GIGYF2: variants seen among roughly 807,000 people sequenced by gnomAD.
The protein encoded by GIGYF2 is GRB10-interacting GYF protein 2.
A neutral mutation model predicts 208.1 loss-of-function variants in GIGYF2; 25 were observed. The observed-to-expected ratio is 0.12, with a 90% confidence interval of 0.09 to 0.17. GIGYF2 has a LOEUF of 0.17. Ranked by LOEUF, GIGYF2 falls within the 10% of genes least tolerant of loss-of-function variation. The pLI is 1.00. For synonymous variants in GIGYF2, 534 were observed against 543.8 expected (o/e 0.98, Z 0.25); for missense variants, 1,302 against 1,579.4 (o/e 0.82, Z 2.98).
chr2:232,756,575 G>A (rs1262148220), intron 6 of GIGYF2, among the ~76,000 whole-genome samples: 1 of 152,168 alleles, frequency 6.6e-6, no homozygotes, highest in African/African-American at 2.4e-5. Flanking sequence ...AGTCTAGACA[G>A]TCCCAATTCA....
chr2:232,753,219 G>A (rs1208349484), intron 5 of GIGYF2, among the ~76,000 whole-genome samples: 35 of 151,880 alleles, frequency 2.3e-4, no homozygotes, highest in Admixed American at 2.3e-3. Flanking sequence ...CGCTTCTCGG[G>A]TTCAAGTAAT....
chr2:232,792,217 C>T (rs1559435797), intron 12 of GIGYF2, among the ~76,000 whole-genome samples: 1 of 152,120 alleles, frequency 6.6e-6, no homozygotes, highest in Non-Finnish European at 1.5e-5. Context: ...CGTACCTTAG[C>T]ACATCCTTTT....
chr2:232,792,926 G>C (rs1474536081), intron 12 of GIGYF2, among the ~76,000 whole-genome samples: 1 of 152,162 alleles, frequency 6.6e-6, no homozygotes, highest in Non-Finnish European at 1.5e-5. Flanking sequence ...GTGTAGAGGA[G>C]ATAAAGTGTG....
rs1416292297 is a variant in GIGYF2 at position 232,857,441 on chromosome 2, T to C, written c.*581T>C. On this transcript the variant is annotated 3_prime_UTR_variant, in exon 29 of 29. Coordinates refer to ENST00000373563, the MANE Select transcript of GIGYF2 (RefSeq NM_001103146.3). ...GGGATTGCATCAGAGAGGCCCTGAGTGGGGTTGAGATGAGGTTGGTTTGGT... is the reference window on the plus strand; with the variant it reads ...GGGATTGCATCAGAGAGGCCCTGAGCGGGGTTGAGATGAGGTTGGTTTGGT... 5.9e-6 allele frequency: 1 copy of C among 169,334 alleles called. No homozygotes were observed. Among genetic ancestry groups the C allele is most frequent in the African/African-American group, 2.4e-5 (1 of 41,546 alleles). The allele number at this position is 169,334 out of a possible 1,614,324, so 10.5% of individuals were successfully genotyped here. A position where few individuals can be genotyped will look rare whatever the true frequency, so the allele number is the denominator to read the frequency against.
intron 8 of GIGYF2, among the ~76,000 whole-genome samples, chr2:232,779,753 G>C (rs1699648193): frequency 1.3e-5 from 2 of 152,118 alleles, no homozygotes; most frequent in Admixed American, 1.3e-4. Context: ...TGTTTTTTCA[G>C]GACTCTTGTT....
At chr2:232,818,645 T>C (rs1211056166) in intron 20 of GIGYF2, among the ~76,000 whole-genome samples, 1 of 152,170 alleles carries the variant, frequency 6.6e-6, no homozygotes, top group Non-Finnish European at 1.5e-5. Flanking sequence ...TTTTTTATTT[T>C]TTTGGAGACA....
chr2:232,833,288 T>G (rs1339292636), intron 22 of GIGYF2, 195 bp downstream of exon 22: 4 of 254,428 alleles, frequency 1.6e-5, no homozygotes, highest in Non-Finnish European at 2.8e-5. Context: ...GCGATCTTGG[T>G]TCACTGTAAC....
rs1015537953 is a variant in GIGYF2, at chr2:232,748,817, C to A, written c.172-170C>A. ...GACTGGGGTTTTTAATATTGACTCTCTCAAAATGTATAAGGACTATAGAAG... is the reference window on the plus strand; with the variant it reads ...GACTGGGGTTTTTAATATTGACTCTATCAAAATGTATAAGGACTATAGAAG... On this transcript the variant is annotated intron_variant, in intron 4 of 28. Coordinates refer to ENST00000373563, the MANE Select transcript of GIGYF2 (RefSeq NM_001103146.3). Among the ~76,000 whole-genome samples the A allele has an allele frequency of 7.9e-5, 12 of 152,116 alleles. No homozygotes were observed. The East Asian group carries it at 2.3e-3, about 29-fold the overall frequency.
rs116147421 is a variant in GIGYF2, at chr2:232,778,773, C to T, written c.533-8377C>T. ...TGGAGGTCCTGGGGGAAGGTATTGA[C>T]AAGCTGTGGGAAAATGAGGGGAGGA... On this transcript the variant is annotated intron_variant, in intron 8 of 28. Transcript: ENST00000373563. Among the ~76,000 whole-genome samples, 258 of 152,136 alleles carry T rather than the reference C, an allele frequency of 1.7e-3. 1 individual carries two copies. Among genetic ancestry groups the T allele is most frequent in the South Asian group, 8.1e-3 (39 of 4,804 alleles).
chr2:232,792,743 T>G (rs917847856), intron 12 of GIGYF2, among the ~76,000 whole-genome samples: 3 of 152,180 alleles, frequency 2.0e-5, no homozygotes, highest in African/African-American at 4.8e-5. Context: ...CTGATATATC[T>G]TTGAGGCAGT....
At chr2:232,839,152 G>A (rs1701740399) in intron 22 of GIGYF2, among the ~76,000 whole-genome samples, 1 of 152,130 alleles carries the variant, frequency 6.6e-6, no homozygotes, top group Non-Finnish European at 1.5e-5. Flanking sequence ...AGTATTAAAA[G>A]TGTGTCTTTT....
rs771346059 is a variant in GIGYF2, at chr2:232,768,174, T to C, written c.532+6738T>C. 9 of 1,613,320 alleles carry C rather than the reference T, an allele frequency of 5.6e-6. No homozygotes were observed. In the African/African-American group the frequency reaches 1.2e-4, roughly 22 times the overall value. Reference sequence around the variant, plus strand: ...AACTGGCTGGGTGTATTTAATACATTAAAAAATGGATAAGTCTTATTCTGT... The same window carrying C: ...AACTGGCTGGGTGTATTTAATACATCAAAAAATGGATAAGTCTTATTCTGT... On this transcript the variant is annotated intron_variant, in intron 8 of 28. Transcript: ENST00000373563.
At chr2:232,733,275 A>C (rs1364517327) in intron 2 of GIGYF2, among the ~76,000 whole-genome samples, 1 of 150,636 alleles carries the variant, frequency 6.6e-6, no homozygotes, top group Admixed American at 6.6e-5. Context: ...AAAAAAAAAA[A>C]AGTGATGAGG....
chr2:232,793,170 T>G (rs1700122519), intron 12 of GIGYF2, among the ~76,000 whole-genome samples: 1 of 152,188 alleles, frequency 6.6e-6, no homozygotes, highest in African/African-American at 2.4e-5. Context: ...CTCTTGTTTT[T>G]ATTTGATGAA....
intron 2 of GIGYF2, among the ~76,000 whole-genome samples, chr2:232,711,037 C>T (rs999765738): frequency 6.6e-6 from 1 of 151,138 alleles, no homozygotes; most frequent in Non-Finnish European, 1.5e-5. Flanking sequence ...ATATTGTATG[C>T]CCTTTGATAT....
chr2:232,785,080 CTTCTT>C (rs1699868618), intron 8 of GIGYF2, among the ~76,000 whole-genome samples: 1 of 124,826 alleles, frequency 8.0e-6, no homozygotes, highest in Admixed American at 7.3e-5. Context: ...AAATAAACAA[CTTCTT>C]CTTCTTTTTT....
chr2:232,805,123 T>C (rs1389544075), intron 14 of GIGYF2, among the ~76,000 whole-genome samples: 1 of 152,232 alleles, frequency 6.6e-6, no homozygotes, highest in African/African-American at 2.4e-5. Flanking sequence ...TTTTTATGTT[T>C]GTTTTATTGC....
intron 2 of GIGYF2, among the ~76,000 whole-genome samples, chr2:232,704,744 A>C (rs1696007652): frequency 1.3e-5 from 2 of 151,770 alleles, no homozygotes; most frequent in African/African-American, 4.8e-5. Flanking sequence ...GGAGGTTCAG[A>C]GGAGTGGCTG....
intron 18 of GIGYF2, among the ~76,000 whole-genome samples, chr2:232,814,226 A>G (rs912354687): frequency 1.3e-5 from 2 of 151,908 alleles, no homozygotes; most frequent in South Asian, 2.1e-4. Flanking sequence ...TAACACAAAC[A>G]TTTTTTTCAT....
Sources: allele counts gnomAD v4.1 joint callset (sites outside exome capture counted in the v4.1 genomes callset), GRCh38; gene constraint gnomAD v4.1.1; transcripts MANE v1.5; gene names NCBI Gene and HGNC (gene_info 2026-07-23, HGNC 2026-07-21).